The following INO80D variants were observed in gnomAD, a reference collection of about 807,000 sequenced individuals.
INO80D encodes the protein INO80 complex subunit D.
Under a neutral mutation model 87.6 loss-of-function variants are expected in INO80D, and 21 were observed. That is an observed-to-expected ratio of 0.24 (90% confidence interval 0.17 to 0.35). The LOEUF is 0.35. INO80D is among the 10% of genes least tolerant of loss of function. The probability of loss-of-function intolerance (pLI) is 1.00; values close to 1 mark genes in which losing one functional copy is unlikely to be tolerated. For missense variants in INO80D, 982 were observed against 1,280.7 expected, an observed-to-expected ratio of 0.77 and a Z score of 3.56; for synonymous variants, 440 against 491.0, an observed-to-expected ratio of 0.90 and a Z score of 1.37.
At chr2:206,080,338 GA>G (rs1690241252) in intron 1 of INO80D, among the ~76,000 whole-genome samples, 1 of 152,114 alleles carries the variant, frequency 6.6e-6, no homozygotes. Flanking sequence ...TTCAAAACCT[GA>G]AAGAGCGGAA....
intron 4 of INO80D, among the ~76,000 whole-genome samples, chr2:206,054,583 G>A (rs552652288): frequency 2.0e-5 from 3 of 151,466 alleles, no homozygotes; most frequent in Non-Finnish European, 4.4e-5. Flanking sequence ...GCACAATCTC[G>A]GCTCACTGCA....
chr2:206,050,695 G>A (rs1392558118), intron 4 of INO80D, among the ~76,000 whole-genome samples: 1 of 150,996 alleles, frequency 6.6e-6, no homozygotes, highest in Non-Finnish European at 1.5e-5. Context: ...TTCGCCGGGC[G>A]CGGTGGCTCA....
chr2:206,026,571 T>C (rs1227991456), intron 6 of INO80D, among the ~76,000 whole-genome samples: 1 of 150,596 alleles, frequency 6.6e-6, no homozygotes, highest in African/African-American at 2.4e-5. Context: ...AAAAGAAAAA[T>C]AGCCATAATT....
intron 4 of INO80D, among the ~76,000 whole-genome samples, chr2:206,050,118 G>A (rs573399767): frequency 2.6e-5 from 4 of 151,888 alleles, no homozygotes. Flanking sequence ...GGGCAACACA[G>A]CGAGACTCTA....
intron 5 of INO80D, among the ~76,000 whole-genome samples, chr2:206,042,692 A>G (rs528910297): frequency 6.6e-6 from 1 of 151,714 alleles, no homozygotes; most frequent in Non-Finnish European, 1.5e-5. Context: ...AAAAAAAAAA[A>G]AAGCCTTTAG....
chr2:206,046,051 A>G (rs950957309), intron 5 of INO80D, among the ~76,000 whole-genome samples: 1 of 152,232 alleles, frequency 6.6e-6, no homozygotes, highest in African/African-American at 2.4e-5. Context: ...ATTTAAGAGT[A>G]GCTTTGCTCA....
Position 206,004,921 on chromosome 2 carries a change from G to A in INO80D, c.2531C>T (p.Thr844Ile), listed in dbSNP as rs753805042. The change falls in exon 11 of 11, where the codon ACC (threonine) becomes ATC (isoleucine). Residue 844 changes from threonine (T) to isoleucine (I), a missense_variant. Transcript: ENST00000403263. The surrounding 1 kb of genome is among the most constrained non-coding windows in gnomAD (Gnocchi z 4.9). ...AGAGTACGATGTTGTGTGGGGAGAG[G>A]TGATATGGTCACTGTAGGGAGACGG... ...HVPSPYSDHI[T>I]SPHTTSYSGD... 2 of 1,614,024 alleles carry A rather than the reference G, an allele frequency of 1.2e-6. No homozygotes were observed. Among genetic ancestry groups the A allele is most frequent in the East Asian group, 4.5e-5 (2 of 44,876 alleles).
rs558435128 is a variant in INO80D, at chr2:206,021,776, T to C, written c.1299-1931A>G. ...TACAGGCACCTGCCACCATGCCTTG[T>C]TAATTTTTTATATTTTTAGTAGAGA... On this transcript the variant is annotated intron_variant, in intron 6 of 10. Transcript: ENST00000403263. Among the ~76,000 whole-genome samples, 18 of 151,750 alleles carry C rather than the reference T, an allele frequency of 1.2e-4. No homozygotes were observed. The South Asian group carries it at 3.8e-3, about 32-fold the overall frequency.
intron 3 of INO80D, among the ~76,000 whole-genome samples, chr2:206,061,534 T>C (rs914545721): frequency 3.9e-5 from 6 of 152,254 alleles, no homozygotes; most frequent in African/African-American, 1.2e-4. Flanking sequence ...ACTAGACAGA[T>C]ATATTTAGCC....
chr2:206,048,101 C>T (rs991788546), intron 4 of INO80D, among the ~76,000 whole-genome samples: 10 of 151,940 alleles, frequency 6.6e-5, no homozygotes, highest in South Asian at 2.1e-4. Flanking sequence ...GTGATCCACC[C>T]GCCTTGGCCT....
chr2:206,010,121 C>T (rs1048196693), intron 8 of INO80D, among the ~76,000 whole-genome samples: 3 of 151,536 alleles, frequency 2.0e-5, no homozygotes. Flanking sequence ...GTACTGGCAT[C>T]GTTTCTGAAT....
At position 206,004,151 on chromosome 2, in the gene INO80D, T is replaced by G; in HGVS notation, c.*217A>C. 1.7e-6 allele frequency: 1 copy of G among 580,794 alleles called. No individual in the cohort carries two copies. Among genetic ancestry groups the G allele is most frequent in the South Asian group, 2.2e-5 (1 of 46,300 alleles). The allele number at this position is 580,794 out of a possible 1,614,324, so 36.0% of individuals were successfully genotyped here. ...CACTAAGGAAACCACTGGGGCGGAG[T>G]GGGCCTGCCAGGAGGGAATGAGCAC... On this transcript the variant is annotated 3_prime_UTR_variant, in exon 11 of 11. Coordinates refer to ENST00000403263, the MANE Select transcript of INO80D (RefSeq NM_017759.5). This position sits in a 1 kb window ranked among gnomAD's most constrained non-coding sequence, Gnocchi z 4.9.
rs751041742 is a variant in INO80D, at chr2:205,996,189, C to T, written c.*8179G>A. The T allele has an allele frequency of 1.6e-4, 24 of 151,948 alleles. No individual in the cohort carries two copies. The highest frequency in any genetic ancestry group is 1.5e-3 in the Admixed American group (23 of 15,264). 9.4% of individuals were successfully genotyped at this position (151,948 alleles called of 1,614,324 possible). A position where few individuals can be genotyped will look rare whatever the true frequency, so the allele number is the denominator to read the frequency against. Reference sequence around the variant, plus strand: ...ATTCCTATTGATAATATTACCAAAACTTGTATCTTCTGGGAAAATTTCAGA... The same window carrying T: ...ATTCCTATTGATAATATTACCAAAATTTGTATCTTCTGGGAAAATTTCAGA... On this transcript the variant is annotated 3_prime_UTR_variant, in exon 11 of 11. Transcript: ENST00000403263.
At chr2:206,043,642 C>G (rs1689113576) in intron 5 of INO80D, among the ~76,000 whole-genome samples, 1 of 152,118 alleles carries the variant, frequency 6.6e-6, no homozygotes, top group Admixed American at 6.5e-5. Context: ...CACCCGCCAC[C>G]AGGCCCAGCT....
At position 206,001,875 on chromosome 2, in the gene INO80D, C is replaced by T. The variant is rs1463308249; in HGVS notation, c.*2493G>A. The T allele has an allele frequency of 6.6e-6, 1 of 152,174 alleles. No homozygotes were observed. The highest frequency in any genetic ancestry group is 1.5e-5 in the Non-Finnish European group (1 of 68,032). 9.4% of individuals were successfully genotyped at this position (152,174 alleles called of 1,614,324 possible). A position where few individuals can be genotyped will look rare whatever the true frequency, so the allele number is the denominator to read the frequency against. ...GTTTTTGGTGTGAAGCTGTAACTAG[C>T]AACATTCCTGATAATTTCATGCCTC... On this transcript the variant is annotated 3_prime_UTR_variant, in exon 11 of 11. Transcript: ENST00000403263.
chr2:206,048,633 C>T (rs543521632), intron 4 of INO80D, among the ~76,000 whole-genome samples: 3 of 152,300 alleles, frequency 2.0e-5, no homozygotes, highest in African/African-American at 7.2e-5. Flanking sequence ...CCGGCTCATG[C>T]TTGTAATCCC....
intron 1 of INO80D, among the ~76,000 whole-genome samples, chr2:206,079,042 G>GAAA (rs1458193950): frequency 6.6e-6 from 1 of 152,028 alleles, no homozygotes; most frequent in Non-Finnish European, 1.5e-5. Context: ...ATCACAAAAA[G>GAAA]TGTGGGTCAA....
intron 6 of INO80D, 136 bp downstream of exon 6, chr2:206,027,975 G>T: frequency 2.0e-6 from 1 of 511,732 alleles, no homozygotes; most frequent in Non-Finnish European, 3.2e-6. Flanking sequence ...CTTTAATAAA[G>T]CAAGAAAACC....
intron 4 of INO80D, among the ~76,000 whole-genome samples, chr2:206,047,606 T>C (rs1263194467): frequency 6.6e-6 from 1 of 151,972 alleles, no homozygotes; most frequent in East Asian, 1.9e-4. Context: ...AAGCTCGATA[T>C]ATGTTAAGGC....
Sources: allele counts gnomAD v4.1 joint callset (sites outside exome capture counted in the v4.1 genomes callset), GRCh38; gene constraint gnomAD v4.1.1; non-coding constraint Gnocchi (gnomAD v3.1); transcripts MANE v1.5; gene names NCBI Gene and HGNC (gene_info 2026-07-23, HGNC 2026-07-21).